The following WDR88 variants were observed in gnomAD, a reference collection of about 807,000 sequenced individuals.
The protein encoded by WDR88 is WD repeat domain 88.
Under a neutral mutation model 46.8 loss-of-function variants are expected in WDR88, and 40 were observed. The observed-to-expected ratio is 0.86, with a 90% CI of 0.66 to 1.11. WDR88 has a LOEUF of 1.11. Among genes scored for constraint, WDR88 ranks in the 50% most tolerant of loss-of-function variants. The pLI is 0.00. For synonymous variants in WDR88, 235 were observed against 240.7 expected (o/e 0.98, Z 0.22); for missense variants, 562 against 602.4 (o/e 0.93, Z 0.70).
intron 9 of WDR88, among the ~76,000 whole-genome samples, chr19:33,172,115 G>A (rs1451106511): frequency 3.3e-5 from 5 of 152,056 alleles, no homozygotes; most frequent in Non-Finnish European, 7.4e-5. Flanking sequence ...ATAATCCTGG[G>A]CAATGACTCA....
chr19:33,158,615 A>AG (rs1212605853), intron 7 of WDR88, among the ~76,000 whole-genome samples: 1 of 152,172 alleles, frequency 6.6e-6, no homozygotes, highest in Non-Finnish European at 1.5e-5. Flanking sequence ...CTCCCAGCTG[A>AG]GGTTGGACAA....
chr19:33,148,688 C>A lies in WDR88; in HGVS notation c.541-84C>A, dbSNP rs1434074509. 7 of 1,550,358 alleles carry A rather than the reference C, an allele frequency of 4.5e-6. No homozygotes were observed. In the African/African-American group the frequency reaches 8.2e-5, roughly 18 times the overall value. ...TCCTGGTCTCAAGCGATCCTCCAGCCTTGGCCTCCCAAAGCACTGGGTTTA... is the reference window on the plus strand; with the variant it reads ...TCCTGGTCTCAAGCGATCCTCCAGCATTGGCCTCCCAAAGCACTGGGTTTA... On this transcript the variant is annotated intron_variant, in intron 4 of 10. Coordinates refer to ENST00000355868, the MANE Select transcript of WDR88 (RefSeq NM_173479.4).
chr19:33,175,250 A>AACAAACAG (rs1042718455), intron 10 of WDR88, 146 bp from the exon 11 acceptor site: 1 of 740,560 alleles, frequency 1.4e-6, no homozygotes, highest in Admixed American at 3.4e-5. Flanking sequence ...CAAAAACAAA[A>AACAAACAG]ACAAACAAAC....
intron 9 of WDR88, among the ~76,000 whole-genome samples, chr19:33,171,604 G>T (rs766206555): frequency 1.3e-5 from 2 of 152,120 alleles, no homozygotes; most frequent in African/African-American, 2.4e-5. Flanking sequence ...CTGTAAGATA[G>T]AAGTCTGATA....
chr19:33,148,604 C>G (rs527608813), intron 4 of WDR88, among the ~76,000 whole-genome samples, 168 bp from the exon 5 acceptor site: 30 of 152,228 alleles, frequency 2.0e-4, no homozygotes, highest in African/African-American at 7.2e-4. Flanking sequence ...CCACACCTGG[C>G]TCATGTTTTA....
At chr19:33,156,306 C>T in intron 6 of WDR88, 49 bp from the exon 7 acceptor site, 1 of 1,579,692 alleles carries the variant, frequency 6.3e-7, no homozygotes, top group African/African-American at 1.3e-5. Context: ...GTCTTCAGGT[C>T]CTCCAGGAGC....
rs1420509490 is a variant in WDR88, at chr19:33,151,852, C to T, written c.809+542C>T. Among the ~76,000 whole-genome samples the T allele has an allele frequency of 2.0e-5, 3 of 151,922 alleles. No homozygotes were observed. In the East Asian group the frequency reaches 5.8e-4, roughly 29 times the overall value. On this transcript the variant is annotated intron_variant, in intron 6 of 10. Coordinates refer to ENST00000355868, the MANE Select transcript of WDR88 (RefSeq NM_173479.4). ...CTATGATTGCACCACTGCACCCCAG[C>T]CTGGACAATGAAGTAAGACCCTGTC... is the stretch of plus-strand genomic sequence containing the variant.
In WDR88 at chr19:33,146,482, TCCTTCCTTCCTTCC is replaced by T. The variant is rs1329257395; in HGVS notation, c.477-1151_477-1138del. On this transcript the variant is annotated intron_variant, in intron 3 of 10. Transcript: ENST00000355868. ...TTCCTTCTTTCCTTCCTTCCTTCCT[TCCTTCCTTCCTTCC>T]CCTTCCTTCCTCCCTTCCTCCCTTC... Among the ~76,000 whole-genome samples, 41 of 86,560 alleles carry T rather than the reference TCCTTCCTTCCTTCC, an allele frequency of 4.7e-4. No homozygotes were observed. In the East Asian group the frequency reaches 4.9e-3, roughly 10 times the overall value. 56.8% of individuals were successfully genotyped at this position (86,560 alleles called of 152,430 possible).
At chr19:33,167,685 CTTCT>C (rs1486320482) in intron 9 of WDR88, among the ~76,000 whole-genome samples, 37 of 151,196 alleles carry the variant, frequency 2.4e-4, no homozygotes, top group Admixed American at 4.6e-4. Flanking sequence ...TCCTTCCTTC[CTTCT>C]GTCCTTTCTT....
chr19:33,172,561 T>C (rs1974056144), intron 10 of WDR88, 121 bp downstream of exon 10: 2 of 806,244 alleles, frequency 2.5e-6, no homozygotes, highest in African/African-American at 1.8e-5. Context: ...CAGACTGACA[T>C]TTTTGCCCCA....
intron 2 of WDR88, among the ~76,000 whole-genome samples, chr19:33,139,697 T>A (rs1307734804): frequency 6.6e-6 from 1 of 152,144 alleles, no homozygotes; most frequent in African/African-American, 2.4e-5. Context: ...ACATTATCAG[T>A]CAATCCCCAC....
At chr19:33,153,905 T>A (rs945775487) in intron 6 of WDR88, among the ~76,000 whole-genome samples, 1 of 152,344 alleles carries the variant, frequency 6.6e-6, no homozygotes. Context: ...TTTTCTGAAG[T>A]GTAATTATGT....
intron 1 of WDR88, among the ~76,000 whole-genome samples, chr19:33,136,806 G>T (rs1321817199): frequency 6.6e-6 from 1 of 151,094 alleles, no homozygotes; most frequent in Admixed American, 6.6e-5. Flanking sequence ...TAATCTCCTG[G>T]CCTCAAGTGA....
intron 1 of WDR88, 101 bp from the exon 2 acceptor site, chr19:33,137,576 C>A: frequency 9.3e-7 from 1 of 1,069,700 alleles, no homozygotes; most frequent in Non-Finnish European, 1.3e-6. Flanking sequence ...TCATTTTTTT[C>A]CGGGTGGTTT....
rs753214293 is a variant in WDR88 at position 33,175,398 on chromosome 19, C to A, written c.1245C>A (p.Cys415Ter). Residue 415 changes from cysteine (C) to a stop codon, truncating the protein, a stop_gained and splice_region_variant, in exon 11 of 11, where the codon TGC (cysteine) becomes TGA (stop). Coordinates refer to ENST00000355868, the MANE Select transcript of WDR88 (RefSeq NM_173479.4). LOFTEE classifies it low-confidence loss of function (END_TRUNC). ...TCTTTTAAAATATCCCATGTCAGTG[C>A]GAAAGATGTGACAGGCCTTTCTCCA... ...KKAVGLKLKQ[C>*]ERCDRPFSIF... 12 of 1,613,854 alleles carry A rather than the reference C, an allele frequency of 7.4e-6. No individual in the cohort carries two copies. The highest frequency in any genetic ancestry group is 2.7e-5 in the African/African-American group (2 of 74,924).
At chr19:33,157,721 AT>A (rs1197941893) in intron 7 of WDR88, among the ~76,000 whole-genome samples, 1 of 84,336 alleles carries the variant, frequency 1.2e-5, no homozygotes, top group Non-Finnish European at 1.9e-5. Flanking sequence ...ATATATATAT[AT>A]ATATATATAT....
At chr19:33,154,276 A>AC (rs1473488362) in intron 6 of WDR88, among the ~76,000 whole-genome samples, 1 of 152,074 alleles carries the variant, frequency 6.6e-6, no homozygotes, top group Non-Finnish European at 1.5e-5. Context: ...TTACATAGGT[A>AC]CACATGTGCC....
intron 7 of WDR88, among the ~76,000 whole-genome samples, chr19:33,158,155 C>T (rs1156967873): frequency 1.3e-5 from 2 of 152,144 alleles, no homozygotes; most frequent in African/African-American, 4.8e-5. Flanking sequence ...CAAACATATG[C>T]TCCCCTATCC....
At chr19:33,172,110 C>G (rs1974048568) in intron 9 of WDR88, among the ~76,000 whole-genome samples, 1 of 152,156 alleles carries the variant, frequency 6.6e-6, no homozygotes. Flanking sequence ...TCCCTATAAT[C>G]CTGGGCAATG....
Sources: gnomAD v4.1 joint callset for allele counts (sites outside exome capture counted in the v4.1 genomes callset) on GRCh38, gnomAD v4.1.1 for gene constraint, MANE v1.5 for transcripts, NCBI Gene and HGNC (gene_info 2026-07-23, HGNC 2026-07-21) for gene names.